Variants in RGS6 observed in about 807,000 individuals in gnomAD.
RGS6 encodes regulator of G protein signaling 6.
In RGS6, 30 loss-of-function variants were observed where a neutral mutation model predicts 78.5. The observed-to-expected ratio is 0.38, with a 90% CI of 0.29 to 0.52. The LOEUF (loss-of-function observed/expected upper bound fraction) is 0.52, where lower values mean the gene tolerates loss of function less well. RGS6 is among the 20% of genes least tolerant of loss of function. The pLI is 0.85. For synonymous variants in RGS6, 206 were observed against 206.0 expected, an observed-to-expected ratio of 1.00 and a Z score of 0.00; for missense variants, 495 against 609.7, an observed-to-expected ratio of 0.81 and a Z score of 1.98.
At chr14:71,883,695 C>A in the RGS6 span, among the ~76,000 whole-genome samples, 1 of 152,186 alleles carries the variant, frequency 6.6e-6, no homozygotes, top group Non-Finnish European at 1.5e-5. Flanking sequence ...TGGCCAAAAC[C>A]CACTGAAACA....
intron 2 of RGS6, among the ~76,000 whole-genome samples, chr14:72,098,186 G>C (rs1017009016): frequency 6.6e-6 from 1 of 152,168 alleles, no homozygotes; most frequent in African/African-American, 2.4e-5. Context: ...CCCCATCCTC[G>C]GGGTCTGGTT....
intron 2 of RGS6, among the ~76,000 whole-genome samples, chr14:72,245,898 C>G (rs578262849): frequency 6.6e-6 from 1 of 152,320 alleles, no homozygotes; most frequent in Admixed American, 6.5e-5. Flanking sequence ...TCACATTCCT[C>G]TTGACATCCC....
intron 2 of RGS6, among the ~76,000 whole-genome samples, chr14:72,062,112 G>T (rs1355983478): frequency 6.6e-6 from 1 of 152,202 alleles, no homozygotes; most frequent in African/African-American, 2.4e-5. Flanking sequence ...CACATAGAGT[G>T]GTCAGGAAAG....
At chr14:72,115,252 T>G (rs1259490199) in intron 2 of RGS6, among the ~76,000 whole-genome samples, 1 of 152,152 alleles carries the variant, frequency 6.6e-6, no homozygotes, top group Non-Finnish European at 1.5e-5. Context: ...GGATTTGACT[T>G]ACGCAGCTGT....
chr14:72,534,930 G>A (rs1376426191), intron 15 of RGS6, among the ~76,000 whole-genome samples: 2 of 152,158 alleles, frequency 1.3e-5, no homozygotes, highest in East Asian at 1.9e-4. Context: ...CATGGGGGAA[G>A]ATGCTTCCTC....
intron 17 of RGS6, chr14:72,541,392 C>A: frequency 6.9e-7 from 1 of 1,457,136 alleles, no homozygotes; most frequent in Middle Eastern, 1.7e-4. Context: ...TAGTGGGTGG[C>A]AATTAATTAA....
rs998872165 is a variant in RGS6, at chr14:72,460,247, C to T, written c.394+564C>T. ...AGACAGGGACCTACAAGACTTCTGC[C>T]AGATATTCTCAGTGGAGATTATTTA... On this transcript the variant is annotated intron_variant, in intron 6 of 17. Transcript: ENST00000553525. 2.0e-5 allele frequency among the ~76,000 whole-genome samples: 3 copies of T among 152,152 alleles called. No individual in the cohort carries two copies. In the South Asian group the frequency reaches 6.2e-4, roughly 32 times the overall value.
chr14:72,196,622 G>T (rs2040224280), intron 2 of RGS6, among the ~76,000 whole-genome samples: 2 of 152,230 alleles, frequency 1.3e-5, no homozygotes, highest in African/African-American at 4.8e-5. Context: ...GGGAAAATAT[G>T]TGTACCACAG....
At chr14:72,442,988 T>G (rs2095257659) in intron 3 of RGS6, among the ~76,000 whole-genome samples, 2 of 152,188 alleles carry the variant, frequency 1.3e-5, no homozygotes, top group African/African-American at 4.8e-5. Context: ...CAGAGAAGCT[T>G]GGAAGACCCA....
At chr14:72,091,872 A>G (rs2095278996) in intron 2 of RGS6, among the ~76,000 whole-genome samples, 1 of 152,232 alleles carries the variant, frequency 6.6e-6, no homozygotes, top group Non-Finnish European at 1.5e-5. Flanking sequence ...GCAACCCAGA[A>G]GATGTATTAA....
chr14:72,074,213 A>G (rs961635463), intron 2 of RGS6, among the ~76,000 whole-genome samples: 13 of 152,230 alleles, frequency 8.5e-5, no homozygotes, highest in African/African-American at 2.9e-4. Flanking sequence ...TTATTTTTCT[A>G]TGAGGCAGGG....
rs138442782 is a variant in RGS6, at chr14:72,049,113, T to G, written c.84+84238T>G. Among the ~76,000 whole-genome samples, 5 of 152,334 alleles carry G rather than the reference T, an allele frequency of 3.3e-5. No homozygotes were observed. In the East Asian group the frequency reaches 9.6e-4, roughly 29 times the overall value. On this transcript the variant is annotated intron_variant, in intron 2 of 17. Transcript: ENST00000553525. ...AAAAGTATAACAGTGAAAAAAATTTTTCTTAGGTGTGTATTTGTGTTGGAT... is the reference window on the plus strand; with the variant it reads ...AAAAGTATAACAGTGAAAAAAATTTGTCTTAGGTGTGTATTTGTGTTGGAT...
At chr14:71,961,525 C>T (rs1262214041) in intron 1 of RGS6, among the ~76,000 whole-genome samples, 2 of 152,056 alleles carry the variant, frequency 1.3e-5, no homozygotes, top group Non-Finnish European at 1.5e-5. Context: ...AAGGAACTTG[C>T]CTAAGATCAC....
Position 72,458,390 on chromosome 14 carries a change from G to A in RGS6, c.342+13G>A. 6.3e-7 allele frequency: 1 copy of A among 1,591,360 alleles called. No individual in the cohort carries two copies. The highest frequency in any genetic ancestry group is 8.6e-7 in the Non-Finnish European group (1 of 1,159,734). On this transcript the variant is annotated intron_variant, in intron 5 of 17. Coordinates refer to ENST00000553525, the MANE Select transcript of RGS6 (RefSeq NM_001204424.2). ...TTATCGTTTCCAGGTAAGCCTGCTG[G>A]CTCCTCCTCCTGAAGAACCTTTTCT...
At chr14:72,015,797 C>A (rs2086825284) in intron 2 of RGS6, among the ~76,000 whole-genome samples, 1 of 152,166 alleles carries the variant, frequency 6.6e-6, no homozygotes. Context: ...TTTTATATTG[C>A]ATTTCTCTGC....
In RGS6 at chr14:72,522,408, C is replaced by T. The variant is rs111332778; in HGVS notation, c.1278+3871C>T. On this transcript the variant is annotated intron_variant, in intron 15 of 17. Transcript: ENST00000553525. The stretch of plus-strand genomic sequence containing the variant: ...ACACAACATTCATTCCACAACAGGG[C>T]GATTTTGCAAATAGCGTGATCCTGT... 5.9e-3 allele frequency among the ~76,000 whole-genome samples: 891 copies of T among 152,244 alleles called. 9 individuals are homozygous for T. The highest frequency in any genetic ancestry group is 0.02 in the African/African-American group (845 of 41,542).
rs187330424 is a variant in RGS6, at chr14:72,159,909, T to C, written c.85-192186T>C. Among the ~76,000 whole-genome samples the C allele has an allele frequency of 1.7e-3, 255 of 152,378 alleles. 1 individual carries two copies. Among genetic ancestry groups the C allele is most frequent in the Admixed American group, 3.5e-3 (54 of 15,310 alleles). On this transcript the variant is annotated intron_variant, in intron 2 of 17. Coordinates refer to ENST00000553525, the MANE Select transcript of RGS6 (RefSeq NM_001204424.2). ...TTGCCAATTTGAAACTTTGCAAATA[T>C]CTGTAAGGTTGACCAGTTTTTATAA...
At chr14:72,291,714 C>T (rs552660349) in intron 2 of RGS6, among the ~76,000 whole-genome samples, 2 of 152,266 alleles carry the variant, frequency 1.3e-5, no homozygotes, top group South Asian at 4.2e-4. Flanking sequence ...TGGCTAAAAT[C>T]ATGCTCAAAG....
the RGS6 span, among the ~76,000 whole-genome samples, chr14:72,592,676 T>A: frequency 6.6e-6 from 1 of 152,230 alleles, no homozygotes; most frequent in Admixed American, 6.5e-5. Flanking sequence ...GGCCTCACCC[T>A]TTCCAAGAGG....
Sources: allele counts gnomAD v4.1 joint callset (sites outside exome capture counted in the v4.1 genomes callset), GRCh38; gene constraint gnomAD v4.1.1; transcripts MANE v1.5; gene names NCBI Gene and HGNC (gene_info 2026-07-23, HGNC 2026-07-21).